The following HS6ST3 variants were observed in gnomAD, a reference collection of about 807,000 sequenced individuals.
HS6ST3 encodes heparan-sulfate 6-O-sulfotransferase 3.
HS6ST3 carries 12 observed loss-of-function variants against 36.7 expected under a neutral mutation model. The observed-to-expected ratio is 0.33, with a 90% CI of 0.21 to 0.53. HS6ST3 has a LOEUF of 0.53. Ranked by LOEUF, HS6ST3 falls within the 20% of genes least tolerant of loss-of-function variation. HS6ST3 has a pLI of 0.95. For synonymous variants in HS6ST3, 240 were observed against 257.5 expected (o/e 0.93, Z 0.65); for missense variants, 584 against 640.9 (o/e 0.91, Z 0.96).
chr13:96,572,787 C>G (rs968537598), intron 1 of HS6ST3, among the ~76,000 whole-genome samples: 1 of 152,106 alleles, frequency 6.6e-6, no homozygotes, highest in Non-Finnish European at 1.5e-5. Flanking sequence ...ATTCAAGACA[C>G]AAGGGCAATA....
At chr13:96,438,349 T>C (rs1427718432) in intron 1 of HS6ST3, among the ~76,000 whole-genome samples, 1 of 152,240 alleles carries the variant, frequency 6.6e-6, no homozygotes, top group African/African-American at 2.4e-5. Flanking sequence ...GACATAGTGT[T>C]TCATCATACT....
At chr13:96,244,789 CCTATAACAGAAGT>C (rs1161900922) in intron 1 of HS6ST3, among the ~76,000 whole-genome samples, 2 of 152,086 alleles carry the variant, frequency 1.3e-5, no homozygotes, top group Non-Finnish European at 1.5e-5. Context: ...CTATGGGTGG[CCTATAACAGAAGT>C]CTGCCAAATA....
At chr13:96,502,784 G>A (rs1302187039) in intron 1 of HS6ST3, among the ~76,000 whole-genome samples, 1 of 152,148 alleles carries the variant, frequency 6.6e-6, no homozygotes, top group Non-Finnish European at 1.5e-5. Context: ...TCAAGGGTGT[G>A]AGTGTAACTT....
chr13:96,195,514 A>G (rs1327628), intron 1 of HS6ST3, among the ~76,000 whole-genome samples: 144,768 of 152,118 alleles, frequency 0.95, 69,001 homozygotes, highest in African/African-American at 0.98. Context: ...CTGTCAGGAA[A>G]GAATTACAAC....
rs1413692896 is a variant in HS6ST3, at chr13:96,837,503, A to G, written c.*4305A>G. The G allele has an allele frequency of 6.6e-6, 1 of 152,258 alleles. No individual in the cohort carries two copies. Among genetic ancestry groups the G allele is most frequent in the Non-Finnish European group, 1.5e-5 (1 of 68,052 alleles). The allele number at this position is 152,258 out of a possible 1,614,324, so 9.4% of individuals were successfully genotyped here. On this transcript the variant is annotated 3_prime_UTR_variant, in exon 2 of 2. Transcript: ENST00000376705. ...CATAGTCTTTCCGACTACTTTATGC[A>G]GCTCAGCATCAGTACTGGGATTGGG...
chr13:96,793,609 A>G (rs1194329039), intron 1 of HS6ST3, among the ~76,000 whole-genome samples: 2 of 152,084 alleles, frequency 1.3e-5, no homozygotes, highest in East Asian at 3.9e-4. Context: ...TCTGCATCCC[A>G]TTATGTCAAA....
chr13:96,435,765 A>G (rs1338981609), intron 1 of HS6ST3, among the ~76,000 whole-genome samples: 2 of 151,718 alleles, frequency 1.3e-5, no homozygotes, highest in Non-Finnish European at 2.9e-5. Flanking sequence ...AAAAATAAAA[A>G]CAAAACTTCT....
rs866383931 is a variant in HS6ST3 at position 96,090,624 on chromosome 13, C to A, written c.-239C>A. On this transcript the variant is annotated 5_prime_UTR_variant, in exon 1 of 2. Transcript: ENST00000376705. ...GCACCCGGGAGCGCAGGGCGCCCCA[C>A]GCCGCAGCCGCAGCCGAGCGCGCCG... Among the ~76,000 whole-genome samples, 1 of 146,170 alleles carries A rather than the reference C, an allele frequency of 6.8e-6. No homozygotes were observed. The highest frequency in any genetic ancestry group is 2.1e-4 in the South Asian group (1 of 4,808).
intron 1 of HS6ST3, among the ~76,000 whole-genome samples, chr13:96,154,303 A>G (rs1005898160): frequency 5.3e-5 from 8 of 152,122 alleles, no homozygotes; most frequent in African/African-American, 1.9e-4. Flanking sequence ...TTTATCTTTA[A>G]TTGGCTGGCA....
At chr13:96,517,906 C>T (rs1261426903) in intron 1 of HS6ST3, among the ~76,000 whole-genome samples, 1 of 152,088 alleles carries the variant, frequency 6.6e-6, no homozygotes, top group Non-Finnish European at 1.5e-5. Context: ...GATACATGCA[C>T]GCAAATATTC....
At chr13:96,800,002 A>G (rs1378826393) in intron 1 of HS6ST3, among the ~76,000 whole-genome samples, 24 of 120,416 alleles carry the variant, frequency 2.0e-4, no homozygotes, top group South Asian at 4.6e-4. Flanking sequence ...ATATATGTAT[A>G]TATATATATA....
intron 1 of HS6ST3, among the ~76,000 whole-genome samples, chr13:96,587,945 T>C (rs1350734265): frequency 6.6e-6 from 1 of 152,208 alleles, no homozygotes; most frequent in African/African-American, 2.4e-5. Context: ...TGTTTTACAG[T>C]TTTCAGTATG....
intron 1 of HS6ST3, among the ~76,000 whole-genome samples, chr13:96,826,392 A>G (rs1239095343): frequency 6.6e-6 from 1 of 152,184 alleles, no homozygotes. Context: ...TATTTCATGT[A>G]GTGATAATGT....
chr13:96,662,232 G>A (rs537659871), intron 1 of HS6ST3, among the ~76,000 whole-genome samples: 156 of 152,154 alleles, frequency 1.0e-3, no homozygotes, highest in Non-Finnish European at 1.4e-3. Context: ...AGGAATGCCC[G>A]TGACTCACTG....
intron 1 of HS6ST3, among the ~76,000 whole-genome samples, chr13:96,252,781 T>A (rs970837410): frequency 1.3e-5 from 2 of 151,564 alleles, no homozygotes; most frequent in South Asian, 2.1e-4. Flanking sequence ...CAATACTGAG[T>A]TTTTGCAAGA....
intron 1 of HS6ST3, among the ~76,000 whole-genome samples, chr13:96,381,475 G>C (rs2055341506): frequency 7.4e-6 from 1 of 134,534 alleles, no homozygotes; most frequent in Non-Finnish European, 1.7e-5. Context: ...TGGCGGTGGG[G>C]TTAAGAGTGC....
At chr13:96,380,767 G>C (rs1342060985) in intron 1 of HS6ST3, among the ~76,000 whole-genome samples, 2 of 152,128 alleles carry the variant, frequency 1.3e-5, no homozygotes, top group Admixed American at 1.3e-4. Context: ...TTGCTTAAAA[G>C]TTTTTACTTT....
intron 1 of HS6ST3, among the ~76,000 whole-genome samples, chr13:96,600,357 C>CAT (rs1354196861): frequency 2.0e-5 from 3 of 150,874 alleles, no homozygotes; most frequent in Non-Finnish European, 4.4e-5. Context: ...CACACACACA[C>CAT]ACATATATAT....
At chr13:96,464,266 A>G (rs1383731690) in intron 1 of HS6ST3, among the ~76,000 whole-genome samples, 6 of 151,154 alleles carry the variant, frequency 4.0e-5, no homozygotes, top group Admixed American at 4.0e-4. Context: ...CTGTTTTCTT[A>G]CACATTGTTA....
Sources: allele counts gnomAD v4.1 joint callset (sites outside exome capture counted in the v4.1 genomes callset), GRCh38; gene constraint gnomAD v4.1.1; transcripts MANE v1.5; gene names NCBI Gene and HGNC (gene_info 2026-07-23, HGNC 2026-07-21).